FBXO4: variants seen among roughly 807,000 people sequenced by gnomAD.
FBXO4 encodes the protein F-box protein 4, also known as F-box only protein 4.
Under a neutral mutation model 43.7 loss-of-function variants are expected in FBXO4, and 36 were observed. The observed-to-expected ratio is 0.82, with a 90% CI of 0.63 to 1.09. The LOEUF (loss-of-function observed/expected upper bound fraction) is 1.09, where lower values mean the gene tolerates loss of function less well. FBXO4 is among the 50% of genes least tolerant of loss of function. FBXO4 has a pLI of 0.00. For missense variants in FBXO4, 435 were observed against 474.1 expected (o/e 0.92, Z 0.77); for synonymous variants, 180 against 165.6 (o/e 1.09, Z -0.67).
the FBXO4 span, among the ~76,000 whole-genome samples, chr5:41,956,244 T>C: frequency 6.6e-6 from 1 of 152,138 alleles, no homozygotes; most frequent in Non-Finnish European, 1.5e-5. Context: ...TTGGACACAT[T>C]AAATAGAAAC....
At chr5:41,971,278 G>T in the FBXO4 span, among the ~76,000 whole-genome samples, 1 of 151,464 alleles carries the variant, frequency 6.6e-6, no homozygotes, top group African/African-American at 2.4e-5. Flanking sequence ...AAACATTAAG[G>T]TGATGAGCAT....
the FBXO4 span, among the ~76,000 whole-genome samples, chr5:42,014,411 G>A: frequency 1.3e-5 from 2 of 152,176 alleles, no homozygotes; most frequent in East Asian, 1.9e-4. Context: ...GGAAAACTCC[G>A]CTCTTTCACT....
the FBXO4 span, among the ~76,000 whole-genome samples, chr5:42,020,801 T>A: frequency 6.6e-6 from 1 of 152,304 alleles, no homozygotes; most frequent in Non-Finnish European, 1.5e-5. Context: ...CCTTTATCTT[T>A]CCAATACCCA....
At chr5:41,962,446 G>C in the FBXO4 span, among the ~76,000 whole-genome samples, 1 of 152,092 alleles carries the variant, frequency 6.6e-6, no homozygotes, top group Admixed American at 6.5e-5. Flanking sequence ...GTTGCCTGAA[G>C]ACTCCAGCAA....
the FBXO4 span, among the ~76,000 whole-genome samples, chr5:42,008,946 T>C: frequency 1.3e-5 from 2 of 152,146 alleles, no homozygotes; most frequent in African/African-American, 4.8e-5. Context: ...TCTGCCATTT[T>C]CTCTTTTCTA....
the FBXO4 span, among the ~76,000 whole-genome samples, chr5:41,952,882 G>A: frequency 1.3e-5 from 2 of 151,742 alleles, no homozygotes; most frequent in South Asian, 2.1e-4. Flanking sequence ...GTTATTTTTA[G>A]TTTCCCTTTC....
the FBXO4 span, among the ~76,000 whole-genome samples, chr5:41,997,180 T>A: frequency 6.6e-6 from 1 of 152,228 alleles, no homozygotes; most frequent in African/African-American, 2.4e-5. Flanking sequence ...CCAGGAGATG[T>A]GTTAATTAGC....
the FBXO4 span, chr5:41,951,276 A>G: frequency 1.9e-5 from 3 of 161,150 alleles, no homozygotes; most frequent in African/African-American, 7.2e-5. Flanking sequence ...CCTTATTTCC[A>G]TCTTGCTTAA....
the FBXO4 span, among the ~76,000 whole-genome samples, chr5:41,947,050 A>G: frequency 1.3e-5 from 2 of 152,254 alleles, no homozygotes; most frequent in Non-Finnish European, 2.9e-5. Flanking sequence ...AGCTAATACT[A>G]TTGTATTGAA....
At chr5:42,011,969 C>T in the FBXO4 span, among the ~76,000 whole-genome samples, 3 of 152,074 alleles carry the variant, frequency 2.0e-5, no homozygotes, top group East Asian at 5.8e-4. Context: ...AAACAAATAC[C>T]GTCTTCAAAT....
the FBXO4 span, among the ~76,000 whole-genome samples, chr5:41,977,583 G>A: frequency 2.6e-5 from 4 of 152,122 alleles, no homozygotes; most frequent in Admixed American, 2.6e-4. Flanking sequence ...TGTGACCTTT[G>A]CTCAAGTTCC....
chr5:41,999,505 G>A, the FBXO4 span, among the ~76,000 whole-genome samples: 1,115 of 63,270 alleles, frequency 0.018, 35 homozygotes, highest in African/African-American at 0.087. Flanking sequence ...ATATATATAT[G>A]TGTATATATA....
chr5:41,940,032 G>T (rs1239063650), intron 6 of FBXO4, among the ~76,000 whole-genome samples: 1 of 151,008 alleles, frequency 6.6e-6, no homozygotes, highest in Non-Finnish European at 1.5e-5. Flanking sequence ...TGTATTTTTT[G>T]TAGAGATGGG....
At chr5:42,001,112 A>C in the FBXO4 span, among the ~76,000 whole-genome samples, 1 of 152,222 alleles carries the variant, frequency 6.6e-6, no homozygotes, top group Non-Finnish European at 1.5e-5. Context: ...TCTGTAAACA[A>C]TGTCATTGGA....
At position 41,925,284 on chromosome 5, in the gene FBXO4, C is replaced by A; in HGVS notation, c.-26C>A. The A allele has an allele frequency of 7.6e-7, 1 of 1,318,612 alleles. No homozygotes were observed. The highest frequency in any genetic ancestry group is 3.1e-5 in the East Asian group (1 of 31,820). The allele number at this position is 1,318,612 out of a possible 1,614,324, so 81.7% of individuals were successfully genotyped here. On this transcript the variant is annotated 5_prime_UTR_variant, in exon 1 of 7. Transcript: ENST00000281623. ...CTGACGCGCTAGCGTGGCTCTAAGA[C>A]GCGTCACCCACGCTGCGGGCAAGCC...
At chr5:41,926,962 A>T in intron 1 of FBXO4, 51 bp from the exon 2 acceptor site, 1 of 1,208,778 alleles carries the variant, frequency 8.3e-7, no homozygotes. Flanking sequence ...TATCACCCAA[A>T]AACTATTTTC....
the FBXO4 span, chr5:41,968,457 G>A: frequency 6.6e-6 from 1 of 152,366 alleles, no homozygotes; most frequent in Non-Finnish European, 1.5e-5. Flanking sequence ...GGAAATGAAG[G>A]TGGAATTTTT....
the FBXO4 span, among the ~76,000 whole-genome samples, chr5:41,978,306 C>G: frequency 6.6e-6 from 1 of 152,082 alleles, no homozygotes; most frequent in East Asian, 1.9e-4. Flanking sequence ...GGTCACACCT[C>G]CAACGTTGGA....
At chr5:41,990,416 G>A in the FBXO4 span, among the ~76,000 whole-genome samples, 5 of 152,300 alleles carry the variant, frequency 3.3e-5, no homozygotes, top group Middle Eastern at 6.8e-3. Flanking sequence ...TGGATGGGGA[G>A]ACACATTCAT....
Sources: gnomAD v4.1 joint callset for allele counts (sites outside exome capture counted in the v4.1 genomes callset) on GRCh38, gnomAD v4.1.1 for gene constraint, MANE v1.5 for transcripts, NCBI Gene and HGNC (gene_info 2026-07-23, HGNC 2026-07-21) for gene names.